MFHAS1: variants seen among roughly 807,000 people sequenced by gnomAD.
MFHAS1 encodes multifunctional ROCO family signaling regulator 1.
MFHAS1 carries 50 observed loss-of-function variants against 70.4 expected under a neutral mutation model. That is an observed-to-expected ratio of 0.71 (90% CI 0.57 to 0.90). The LOEUF (loss-of-function observed/expected upper bound fraction) is 0.90, where lower values mean the gene tolerates loss of function less well. Ranked by LOEUF, MFHAS1 falls within the 40% of genes least tolerant of loss-of-function variation. The probability of loss-of-function intolerance (pLI) is 0.00; values close to 1 mark genes in which losing one functional copy is unlikely to be tolerated. For synonymous variants in MFHAS1, 952 were observed against 620.0 expected (o/e 1.54, Z -7.96); for missense variants, 1,795 against 1,347.6 (o/e 1.33, Z -5.20).
chr8:8,845,616 T>C (rs1363682911), intron 1 of MFHAS1, among the ~76,000 whole-genome samples: 1 of 152,226 alleles, frequency 6.6e-6, no homozygotes, highest in Non-Finnish European at 1.5e-5. Context: ...CTAGTCTTTA[T>C]CCTGAATTTT....
At position 8,784,171 on chromosome 8, in the gene MFHAS1, T is replaced by C. The variant is rs1336992146; in HGVS notation, c.*1851A>G. 6.6e-6 allele frequency: 1 copy of C among 152,090 alleles called. No individual in the cohort carries two copies. Among genetic ancestry groups the C allele is most frequent in the South Asian group, 2.1e-4 (1 of 4,820 alleles). The allele number at this position is 152,090 out of a possible 1,614,324, so 9.4% of individuals were successfully genotyped here. ...GCCTTTTTCTAAAGACAGGTCAAAGTTGGTTAATTTAACAGTTGAGGAACC... is the reference window on the plus strand; with the variant it reads ...GCCTTTTTCTAAAGACAGGTCAAAGCTGGTTAATTTAACAGTTGAGGAACC... On this transcript the variant is annotated 3_prime_UTR_variant, in exon 3 of 3. Coordinates refer to ENST00000276282, the MANE Select transcript of MFHAS1 (RefSeq NM_004225.3).
At chr8:8,808,856 ACTCTATAG>A (rs1806437849) in intron 1 of MFHAS1, among the ~76,000 whole-genome samples, 2 of 152,132 alleles carry the variant, frequency 1.3e-5, no homozygotes, top group African/African-American at 4.8e-5. Flanking sequence ...TGGAGGAATG[ACTCTATAG>A]CAAGGGTGCC....
intron 1 of MFHAS1, among the ~76,000 whole-genome samples, chr8:8,824,242 C>G (rs909276426): frequency 4.0e-5 from 6 of 151,860 alleles, no homozygotes; most frequent in Non-Finnish European, 8.8e-5. Context: ...TGCCTGGAGG[C>G]CAATCTCTCC....
intron 1 of MFHAS1, among the ~76,000 whole-genome samples, chr8:8,857,967 C>G (rs1194941438): frequency 1.3e-5 from 2 of 152,146 alleles, no homozygotes; most frequent in Admixed American, 6.5e-5. Context: ...TTTTTCTAAA[C>G]AAATGAGAAA....
chr8:8,791,123 CCGTT>C (rs1281336371), intron 2 of MFHAS1, among the ~76,000 whole-genome samples: 4 of 132,534 alleles, frequency 3.0e-5, no homozygotes, highest in Admixed American at 1.4e-4. Flanking sequence ...ACCACCCCAC[CCGTT>C]TTTTTTTTTT....
chr8:8,817,752 A>G (rs941952448), intron 1 of MFHAS1, among the ~76,000 whole-genome samples: 1 of 152,250 alleles, frequency 6.6e-6, no homozygotes, highest in Non-Finnish European at 1.5e-5. Flanking sequence ...TCAGATCATT[A>G]GGCATTAGAT....
chr8:8,800,215 A>G (rs1281822108), intron 1 of MFHAS1, among the ~76,000 whole-genome samples: 1 of 152,212 alleles, frequency 6.6e-6, no homozygotes, highest in Non-Finnish European at 1.5e-5. Flanking sequence ...AGTGAATGTA[A>G]TTTGAGTTCC....
chr8:8,820,044 G>C (rs1199101456), intron 1 of MFHAS1, among the ~76,000 whole-genome samples: 1 of 152,022 alleles, frequency 6.6e-6, no homozygotes, highest in Non-Finnish European at 1.5e-5. Flanking sequence ...AACAATCCCA[G>C]TGTAAATTTA....
intron 1 of MFHAS1, among the ~76,000 whole-genome samples, chr8:8,873,981 G>A (rs1809190469): frequency 6.6e-6 from 1 of 152,120 alleles, no homozygotes; most frequent in South Asian, 2.1e-4. Context: ...TAATTATGCT[G>A]AAAACAATGG....
intron 1 of MFHAS1, among the ~76,000 whole-genome samples, chr8:8,813,514 C>CCTGA (rs1195396380): frequency 6.6e-6 from 1 of 152,112 alleles, no homozygotes; most frequent in Non-Finnish European, 1.5e-5. Context: ...TATTGATGAT[C>CCTGA]CTGACCCTGT....
intron 1 of MFHAS1, among the ~76,000 whole-genome samples, chr8:8,858,042 C>T (rs1371944913): frequency 6.6e-6 from 1 of 152,186 alleles, no homozygotes; most frequent in African/African-American, 2.4e-5. Flanking sequence ...GACTGGTGTT[C>T]ACTGATCTGG....
chr8:8,804,549 C>G (rs1233573921), intron 1 of MFHAS1, among the ~76,000 whole-genome samples: 1 of 152,204 alleles, frequency 6.6e-6, no homozygotes, highest in East Asian at 1.9e-4. Context: ...CAGAGATGCC[C>G]TTAAATCAGA....
intron 2 of MFHAS1, among the ~76,000 whole-genome samples, chr8:8,794,974 T>G (rs1446405667): frequency 6.6e-6 from 1 of 152,206 alleles, no homozygotes; most frequent in Non-Finnish European, 1.5e-5. Context: ...GGGAAAACAC[T>G]GATAAAGCTG....
intron 1 of MFHAS1, among the ~76,000 whole-genome samples, chr8:8,880,100 G>GC (rs1809457850): frequency 6.6e-6 from 1 of 152,150 alleles, no homozygotes; most frequent in South Asian, 2.1e-4. Flanking sequence ...AGGCTTGGAT[G>GC]CCCTCCTTTC....
chr8:8,836,985 G>C (rs551547013), intron 1 of MFHAS1, among the ~76,000 whole-genome samples: 1 of 152,266 alleles, frequency 6.6e-6, no homozygotes, highest in African/African-American at 2.4e-5. Flanking sequence ...CCAAAACATA[G>C]TTTCATGCAA....
intron 1 of MFHAS1, among the ~76,000 whole-genome samples, chr8:8,806,216 G>C (rs1444016599): frequency 2.6e-5 from 4 of 152,164 alleles, no homozygotes; most frequent in African/African-American, 9.7e-5. Flanking sequence ...AAGCGTCAGA[G>C]TCTTGGCATC....
At chr8:8,869,654 T>C (rs1018082315) in intron 1 of MFHAS1, among the ~76,000 whole-genome samples, 1 of 152,210 alleles carries the variant, frequency 6.6e-6, no homozygotes, top group Non-Finnish European at 1.5e-5. Context: ...ACATCAGTCC[T>C]GTTGAAATTA....
At chr8:8,843,520 G>A (rs114880917) in intron 1 of MFHAS1, among the ~76,000 whole-genome samples, 13 of 152,334 alleles carry the variant, frequency 8.5e-5, no homozygotes, top group African/African-American at 3.1e-4. Context: ...GGTTAAGGCC[G>A]TAGCGAGTGG....
At chr8:8,886,870 A>G (rs1334687057) in intron 1 of MFHAS1, among the ~76,000 whole-genome samples, 1 of 152,248 alleles carries the variant, frequency 6.6e-6, no homozygotes, top group East Asian at 1.9e-4. Context: ...TCACGCTTAT[A>G]ATCCCAGCAC....
Sources: allele counts gnomAD v4.1 joint callset (sites outside exome capture counted in the v4.1 genomes callset), GRCh38; gene constraint gnomAD v4.1.1; transcripts MANE v1.5; gene names NCBI Gene and HGNC (gene_info 2026-07-23, HGNC 2026-07-21).